ZFP62: variants seen among roughly 807,000 people sequenced by gnomAD.
ZFP62 encodes the protein zinc finger protein 62 homolog.
Under a neutral mutation model 56.4 loss-of-function variants are expected in ZFP62, and 44 were observed. The ratio of observed to expected loss-of-function variants is 0.78; its 90% CI spans 0.61 to 1.00. The LOEUF is 1.00. Ranked by LOEUF, ZFP62 falls within the 50% of genes least tolerant of loss-of-function variation. The pLI, the probability that ZFP62 is intolerant of heterozygous loss-of-function variation, is 0.00. For synonymous variants in ZFP62, 421 were observed against 388.9 expected, an observed-to-expected ratio of 1.08 and a Z score of -0.97; for missense variants, 1,030 against 1,085.7, an observed-to-expected ratio of 0.95 and a Z score of 0.72.
chr5:180,845,953 C>CTATT, downstream of ZFP62: 1 of 654,904 alleles, frequency 1.5e-6, no homozygotes, highest in Non-Finnish European at 1.9e-6. Flanking sequence ...CTATGGAAGG[C>CTATT]TATTCCATAC....
At chr5:180,830,106 AG>A in the ZFP62 span, 21 of 151,446 alleles carry the variant, frequency 1.4e-4, no homozygotes, top group African/African-American at 4.9e-4. Context: ...CTCAGAATGG[AG>A]GGGCTGGAAG....
At chr5:180,847,063 A>T (rs949821038), downstream of ZFP62, among the ~76,000 whole-genome samples, 18 of 152,240 alleles carry the variant, frequency 1.2e-4, no homozygotes, top group African/African-American at 3.4e-4. Context: ...ATATACTCCT[A>T]GAAAGAGCAT....
downstream of ZFP62, among the ~76,000 whole-genome samples, chr5:180,847,067 A>G (rs908329747): frequency 6.6e-6 from 1 of 152,242 alleles, no homozygotes; most frequent in South Asian, 2.1e-4. Flanking sequence ...ACTCCTAGAA[A>G]GAGCATGGAA....
Position 180,847,852 on chromosome 5 carries a change from T to C in ZFP62, c.*940A>G, listed in dbSNP as rs1396858055. The C allele has an allele frequency of 8.1e-6, 8 of 985,346 alleles. No homozygotes were observed. Among genetic ancestry groups the C allele is most frequent in the Admixed American group, 6.1e-5 (1 of 16,268 alleles). 61.0% of individuals were successfully genotyped at this position (985,346 alleles called of 1,614,324 possible). On this transcript the variant is annotated 3_prime_UTR_variant, in exon 2 of 2. Coordinates refer to ENST00000502412, the MANE Select transcript of ZFP62 (RefSeq NM_001172638.2). The stretch of plus-strand genomic sequence containing the variant: ...CTAGATGACTGGTACTTTAGCTTTT[T>C]AGCTTCTGCAATAAAATGCGTTCCT...
intron 1 of ZFP62, among the ~76,000 whole-genome samples, chr5:180,852,996 C>T (rs1773791016): frequency 2.0e-5 from 3 of 152,354 alleles, no homozygotes; most frequent in South Asian, 2.1e-4. Flanking sequence ...GGAATGCAAA[C>T]TGGCACAGCC....
intron 1 of ZFP62, among the ~76,000 whole-genome samples, chr5:180,856,886 G>A (rs993331662): frequency 4.7e-5 from 7 of 149,726 alleles, no homozygotes; most frequent in African/African-American, 7.5e-5. Flanking sequence ...CCTGGGAGGC[G>A]AGCCTGCAGT....
chr5:180,830,890 G>A, the ZFP62 span: 5 of 151,450 alleles, frequency 3.3e-5, no homozygotes, highest in East Asian at 3.8e-4. Flanking sequence ...GCGCAGGGAG[G>A]GAGAGACGGC....
intron 1 of ZFP62, among the ~76,000 whole-genome samples, chr5:180,859,056 T>C (rs1366783786): frequency 6.6e-6 from 1 of 152,156 alleles, no homozygotes; most frequent in East Asian, 1.9e-4. Flanking sequence ...ATTCTTGCTG[T>C]CTCTGCCTCC....
downstream of ZFP62, among the ~76,000 whole-genome samples, chr5:180,847,353 C>T (rs1370475331): frequency 1.0e-5 from 1 of 98,198 alleles, no homozygotes; most frequent in African/African-American, 3.8e-5. Context: ...GGTGACTGAT[C>T]ACTCACACAA....
Position 180,849,265 on chromosome 5 carries a change from GGAGA to G in ZFP62, c.2226_2229del (p.Leu743PhefsTer125). The stretch of plus-strand genomic sequence containing the variant: ...GTGTGGATCCTCTTGTGCTGAGAAA[GGAGA>G]GAGCTGTAACTGAAAGATTTCCCAC... On this transcript the variant is annotated frameshift_variant, in exon 2 of 2. Coordinates refer to ENST00000502412, the MANE Select transcript of ZFP62 (RefSeq NM_001172638.2). LOFTEE classifies it high-confidence loss of function. The G allele has an allele frequency of 6.4e-7, 1 of 1,554,344 alleles. No homozygotes were observed. The highest frequency in any genetic ancestry group is 8.7e-7 in the Non-Finnish European group (1 of 1,148,550).
At chr5:180,857,530 G>A (rs1328663311) in intron 1 of ZFP62, among the ~76,000 whole-genome samples, 1 of 152,208 alleles carries the variant, frequency 6.6e-6, no homozygotes, top group African/African-American at 2.4e-5. Flanking sequence ...ACTGAGTCTT[G>A]CTCTGTTGCC....
chr5:180,837,540 G>T, the ZFP62 span, among the ~76,000 whole-genome samples: 760 of 152,280 alleles, frequency 5.0e-3, 6 homozygotes, highest in African/African-American at 0.017. Flanking sequence ...ACCATTGAAG[G>T]GAAGCTCCTA....
At chr5:180,831,078 C>T in the ZFP62 span, 7 of 152,506 alleles carry the variant, frequency 4.6e-5, no homozygotes, top group African/African-American at 1.7e-4. Flanking sequence ...GCTGCATCAC[C>T]CTAGAAACGT....
At chr5:180,827,964 C>A in the ZFP62 span, among the ~76,000 whole-genome samples, 1 of 152,164 alleles carries the variant, frequency 6.6e-6, no homozygotes, top group Non-Finnish European at 1.5e-5. Context: ...GATGCAAAGA[C>A]CTTTGTTCAC....
chr5:180,848,014 T>C lies in ZFP62; in HGVS notation c.*778A>G. The C allele has an allele frequency of 1.0e-6, 1 of 985,474 alleles. No homozygotes were observed. Among genetic ancestry groups the C allele is most frequent in the African/African-American group, 1.7e-5 (1 of 57,380 alleles). 61.0% of individuals were successfully genotyped at this position (985,474 alleles called of 1,614,324 possible). The stretch of plus-strand genomic sequence containing the variant: ...GGTAGAACCTTTTATTGTAGCATAA[T>C]GTGTGAATACCACTTCCAGGTTATC... On this transcript the variant is annotated 3_prime_UTR_variant, in exon 2 of 2. Coordinates refer to ENST00000502412, the MANE Select transcript of ZFP62 (RefSeq NM_001172638.2).
Position 180,849,676 on chromosome 5 carries a change from G to A in ZFP62, c.1819C>T (p.His607Tyr). 1 of 1,551,748 alleles carries A rather than the reference G, an allele frequency of 6.4e-7. No homozygotes were observed. The highest frequency in any genetic ancestry group is 2.4e-5 in the East Asian group (1 of 40,902). Residue 607 changes from histidine (H) to tyrosine (Y), a missense_variant, in exon 2 of 2, where the codon CAC (histidine) becomes TAC (tyrosine). By Grantham distance (83) the His-to-Tyr change is moderately conservative. Coordinates refer to ENST00000502412, the MANE Select transcript of ZFP62 (RefSeq NM_001172638.2). ...TTCTCCCCAAGATGAACTTTTTTGT[G>A]GTTTGTAAGGGTTCGGTATGTGATG... ...AFITYRTLTN[H>Y]KKVHLGEKPY...
At chr5:180,844,688 C>T (rs1773376868), downstream of ZFP62, among the ~76,000 whole-genome samples, 1 of 152,170 alleles carries the variant, frequency 6.6e-6, no homozygotes, top group Non-Finnish European at 1.5e-5. Flanking sequence ...TGCAGCCCGA[C>T]AAAGACAAAA....
chr5:180,849,142 A>AGG lies in ZFP62; in HGVS notation c.2351_2352dup (p.Tyr785ProfsTer85). The AGG allele has an allele frequency of 6.4e-7, 1 of 1,562,998 alleles. No homozygotes were observed. Among genetic ancestry groups the AGG allele is most frequent in the African/African-American group, 1.4e-5 (1 of 73,430 alleles). On this transcript the variant is annotated frameshift_variant, in exon 2 of 2. Coordinates refer to ENST00000502412, the MANE Select transcript of ZFP62 (RefSeq NM_001172638.2). LOFTEE classifies it high-confidence loss of function. ...GCCTTCCCACACTCATCACATTCATAGGGTTTCTCACCTGTGTGGATCCTT... is the reference window on the plus strand; with the variant it reads ...GCCTTCCCACACTCATCACATTCATAGGGGGTTTCTCACCTGTGTGGATCCTT...
At chr5:180,836,098 A>G in the ZFP62 span, among the ~76,000 whole-genome samples, 1 of 152,258 alleles carries the variant, frequency 6.6e-6, no homozygotes, top group Non-Finnish European at 1.5e-5. Flanking sequence ...GCATTAGGCC[A>G]TGCCGTGCAG....
Sources: allele counts gnomAD v4.1 joint callset (sites outside exome capture counted in the v4.1 genomes callset), GRCh38; gene constraint gnomAD v4.1.1; transcripts MANE v1.5; gene names NCBI Gene and HGNC (gene_info 2026-07-23, HGNC 2026-07-21).